Variants in RIF1 observed in about 807,000 individuals in gnomAD.
RIF1 encodes the protein telomere-associated protein RIF1.
In RIF1, 45 loss-of-function variants were observed where a neutral mutation model predicts 247.1. That is an observed-to-expected ratio of 0.18 (90% CI 0.14 to 0.23). RIF1 has a LOEUF of 0.23. Ranked by LOEUF, RIF1 falls within the 10% of genes least tolerant of loss-of-function variation. RIF1 has a pLI of 1.00. For synonymous variants in RIF1, 1,087 were observed against 978.8 expected, an observed-to-expected ratio of 1.11 and a Z score of -2.06; for missense variants, 2,967 against 2,862.5, an observed-to-expected ratio of 1.04 and a Z score of -0.83.
the RIF1 span, chr2:151,531,099 G>A: frequency 3.6e-5 from 58 of 1,590,754 alleles, 1 homozygote; most frequent in East Asian, 9.6e-4. Flanking sequence ...ATTTATAAAG[G>A]ATCTGAAAGA....
rs755863625 is a variant in RIF1, at chr2:151,494,189, ACT to A, written c.*416-1035_*416-1034del. 8.1e-6 allele frequency: 13 copies of A among 1,607,942 alleles called. No individual in the cohort carries two copies. Among genetic ancestry groups the A allele is most frequent in the Middle Eastern group, 1.7e-4 (1 of 6,052 alleles). ...GCTAATGTTTTCTTGATTGCGTTTG[ACT>A]CTCTGCATCTCAGGAGTGACAGGGG... On this transcript the variant is annotated intron_variant and NMD_transcript_variant, in intron 9 of 13. Transcript: ENST00000454583.
chr2:151,446,787 T>A (rs924279284), intron 20 of RIF1, among the ~76,000 whole-genome samples: 2 of 152,180 alleles, frequency 1.3e-5, no homozygotes, highest in African/African-American at 4.8e-5. Context: ...GATCTTTTAC[T>A]ATACTGTGTT....
intron 10 of RIF1, among the ~76,000 whole-genome samples, chr2:151,434,521 A>C (rs1426790030): frequency 1.4e-5 from 2 of 146,986 alleles, no homozygotes; most frequent in Non-Finnish European, 3.0e-5. Context: ...GCTCACTGCA[A>C]ACTCCACCTC....
rs1454960791 is a variant in RIF1 at position 151,506,206 on chromosome 2, T to A, written c.*862-4T>A. 6.2e-7 allele frequency: 1 copy of A among 1,613,776 alleles called. No homozygotes were observed. Among genetic ancestry groups the A allele is most frequent in the African/African-American group, 1.3e-5 (1 of 75,060 alleles). On this transcript the variant is annotated splice_region_variant and splice_polypyrimidine_tract_variant and intron_variant and NMD_transcript_variant, in intron 12 of 13. Coordinates refer to the RIF1 transcript ENST00000454583. ...CTGTGTTTGTTTCACTCTCATCATC[T>A]CAGGTGTCTTTCCGATAGCCGTTCC...
chr2:151,501,388 T>C, intron 11 of RIF1: 3 of 1,539,032 alleles, frequency 1.9e-6, no homozygotes, highest in Non-Finnish European at 2.6e-6. Flanking sequence ...TTCTCCCAAA[T>C]ACCGAGCTAA....
At chr2:151,431,639 TGGAC>T (rs1212357839) in intron 9 of RIF1, among the ~76,000 whole-genome samples, 1 of 152,090 alleles carries the variant, frequency 6.6e-6, no homozygotes, top group African/African-American at 2.4e-5. Flanking sequence ...AATACAAAGT[TGGAC>T]GGGCATGGTG....
intron 21 of RIF1, among the ~76,000 whole-genome samples, chr2:151,454,649 T>C (rs945325073): frequency 6.6e-6 from 1 of 152,218 alleles, no homozygotes; most frequent in Non-Finnish European, 1.5e-5. Context: ...CTTGTTTTTC[T>C]GGAATTCATA....
At chr2:151,431,033 G>A (rs554568370) in intron 9 of RIF1, among the ~76,000 whole-genome samples, 181 of 152,278 alleles carry the variant, frequency 1.2e-3, no homozygotes, top group African/African-American at 4.1e-3. Context: ...TGTAAACCCA[G>A]AAGTGTGAGG....
intron 9 of RIF1, chr2:151,491,647 G>A (rs2056738947): frequency 1.4e-6 from 2 of 1,450,266 alleles, no homozygotes; most frequent in African/African-American, 1.4e-5. Flanking sequence ...ACTAAATGGT[G>A]ATGTTTATGT....
At chr2:151,473,879 T>C in intron 34 of RIF1, 85 bp from the exon 35 acceptor site, 1 of 748,486 alleles carries the variant, frequency 1.3e-6, no homozygotes, top group East Asian at 2.5e-5. Context: ...TTTCCAGTGT[T>C]TGTACTATTA....
intron 9 of RIF1, among the ~76,000 whole-genome samples, chr2:151,488,220 A>G (rs1348720019): frequency 3.3e-5 from 5 of 151,984 alleles, no homozygotes; most frequent in Non-Finnish European, 7.4e-5. Flanking sequence ...GTATGCTGTA[A>G]ATGTTTTCTC....
At chr2:151,436,574 A>C (rs1031892390) in intron 11 of RIF1, among the ~76,000 whole-genome samples, 1 of 151,962 alleles carries the variant, frequency 6.6e-6, no homozygotes, top group African/African-American at 2.4e-5. Flanking sequence ...CAGCAGTTAT[A>C]AAGTGTCTTC....
chr2:151,531,792 A>G, the RIF1 span: 158 of 1,605,758 alleles, frequency 9.8e-5, 1 homozygote, highest in East Asian at 2.9e-3. Flanking sequence ...TTGCACTTAC[A>G]TCGCTGATTT....
chr2:151,527,176 G>A, the RIF1 span, among the ~76,000 whole-genome samples: 1 of 152,084 alleles, frequency 6.6e-6, no homozygotes, highest in Non-Finnish European at 1.5e-5. Flanking sequence ...ACTGCATTTT[G>A]GACTCCTCCT....
intron 20 of RIF1, among the ~76,000 whole-genome samples, chr2:151,450,843 C>T (rs763577175): frequency 1.3e-5 from 2 of 152,200 alleles, no homozygotes; most frequent in Admixed American, 6.5e-5. Context: ...CTCAGCCTCC[C>T]AAAGTGCTGG....
intron 10 of RIF1, chr2:151,499,265 A>T: frequency 9.0e-7 from 1 of 1,117,130 alleles, no homozygotes; most frequent in Non-Finnish European, 1.3e-6. Flanking sequence ...ACATTTTTTT[A>T]AATAATTAAA....
At position 151,418,485 on chromosome 2, in the gene RIF1, C is replaced by T. The variant is rs571128620; in HGVS notation, c.503+1584C>T. Among the ~76,000 whole-genome samples the T allele has an allele frequency of 7.9e-5, 12 of 152,110 alleles. No individual in the cohort carries two copies. The South Asian group carries it at 1.9e-3, about 24-fold the overall frequency. On this transcript the variant is annotated intron_variant, in intron 6 of 35. Coordinates refer to ENST00000444746, the MANE Select transcript of RIF1 (RefSeq NM_018151.5). ...CTCCCAATGTACCAGGATCACAGGC[C>T]TGAACCACTGTGCCTGGGCAGCTTA...
chr2:151,451,693 C>G lies in RIF1; in HGVS notation c.2332C>G (p.Pro778Ala). 2 of 1,406,566 alleles carry G rather than the reference C, an allele frequency of 1.4e-6. No individual in the cohort carries two copies. Among genetic ancestry groups the G allele is most frequent in the Non-Finnish European group, 2.0e-6 (2 of 993,172 alleles). 87.1% of individuals were successfully genotyped at this position (1,406,566 alleles called of 1,614,324 possible). ...DFSPYNIKYQ[P>A]KVKSPQRPSD... is the part of the protein sequence containing the mutation. The stretch of plus-strand genomic sequence containing the variant: ...CTCACCATATAATATTAAATATCAG[C>G]CCAAAGTTAAATGTAAGTATGTATT... Residue 778 changes from proline (P) to alanine (A), a missense_variant, in exon 21 of 36, where the codon CCC (proline) becomes GCC (alanine). Physicochemically the swap from Pro to Ala is conservative, Grantham distance 27. Transcript: ENST00000444746.
At chr2:151,446,350 A>T in intron 19 of RIF1, 76 bp from the exon 20 acceptor site, 1 of 1,323,460 alleles carries the variant, frequency 7.6e-7, no homozygotes, top group Non-Finnish European at 1.1e-6. Flanking sequence ...AAAAAATGTT[A>T]AAGATGTATT....
Sources: gnomAD v4.1 joint callset for allele counts (sites outside exome capture counted in the v4.1 genomes callset) on GRCh38, gnomAD v4.1.1 for gene constraint, MANE v1.5 for transcripts, NCBI Gene and HGNC (gene_info 2026-07-23, HGNC 2026-07-21) for gene names.